The following FSTL5 variants were observed in gnomAD, a reference collection of about 807,000 sequenced individuals.
FSTL5 encodes the protein follistatin-related protein 5.
In FSTL5, 62 loss-of-function variants were observed where a neutral mutation model predicts 89.1. The observed-to-expected ratio is 0.70, with a 90% confidence interval of 0.57 to 0.86. The LOEUF (loss-of-function observed/expected upper bound fraction) is 0.86. FSTL5 is among the 40% of genes least tolerant of loss of function. The pLI is 0.00. For missense variants in FSTL5, 1,057 were observed against 1,001.6 expected, an observed-to-expected ratio of 1.06 and a Z score of -0.75; for synonymous variants, 383 against 346.2, an observed-to-expected ratio of 1.11 and a Z score of -1.18.
At position 161,593,290 on chromosome 4, in the gene FSTL5, A is replaced by T. The variant is rs538792204; in HGVS notation, c.895-5715T>A. On this transcript the variant is annotated intron_variant, in intron 7 of 15. Coordinates refer to ENST00000306100, the MANE Select transcript of FSTL5 (RefSeq NM_020116.5). ...AAAATAGGATAGTATCCACTGACTTACCAATGCTCACATAATAGTACTCCA... is the reference window on the plus strand; with the variant it reads ...AAAATAGGATAGTATCCACTGACTTTCCAATGCTCACATAATAGTACTCCA... 3.5e-4 allele frequency among the ~76,000 whole-genome samples: 54 copies of T among 152,246 alleles called. 1 individual carries two copies. The highest frequency in any genetic ancestry group is 3.9e-4 in the Admixed American group (6 of 15,276).
At chr4:161,731,905 G>A (rs781765960) in intron 6 of FSTL5, among the ~76,000 whole-genome samples, 5 of 151,918 alleles carry the variant, frequency 3.3e-5, no homozygotes, top group Non-Finnish European at 5.9e-5. Flanking sequence ...AACAGCTGGG[G>A]AACATTTGAG....
intron 2 of FSTL5, among the ~76,000 whole-genome samples, chr4:162,071,484 C>T (rs149180541): frequency 5.3e-5 from 8 of 151,506 alleles, no homozygotes; most frequent in African/African-American, 1.9e-4. Context: ...CAAAGCACCC[C>T]GACATATAAC....
chr4:161,798,278 A>T (rs1219202349), intron 4 of FSTL5, among the ~76,000 whole-genome samples: 1 of 151,630 alleles, frequency 6.6e-6, no homozygotes, highest in Non-Finnish European at 1.5e-5. Flanking sequence ...TGTAACTTAC[A>T]AATTCTATTA....
chr4:161,810,487 A>G (rs1730104796), intron 4 of FSTL5, among the ~76,000 whole-genome samples: 2 of 152,180 alleles, frequency 1.3e-5, no homozygotes, highest in South Asian at 4.1e-4. Flanking sequence ...TTTAACAGGA[A>G]ATTGAGAATT....
At chr4:161,487,680 T>G (rs1467119105) in intron 12 of FSTL5, among the ~76,000 whole-genome samples, 6 of 152,038 alleles carry the variant, frequency 3.9e-5, no homozygotes, top group African/African-American at 2.4e-5. Context: ...ATTCTAGCGC[T>G]CTCTCTCTCT....
chr4:161,817,676 ATATAG>A (rs1489067545), intron 4 of FSTL5, among the ~76,000 whole-genome samples: 1 of 152,198 alleles, frequency 6.6e-6, no homozygotes, highest in Non-Finnish European at 1.5e-5. Flanking sequence ...TTTGATAGTC[ATATAG>A]TATACCTGAG....
intron 3 of FSTL5, among the ~76,000 whole-genome samples, chr4:162,000,244 T>C (rs1286941501): frequency 6.6e-6 from 1 of 152,128 alleles, no homozygotes; most frequent in African/African-American, 2.4e-5. Context: ...TTACAGTCTT[T>C]AAAAATTGAA....
At chr4:161,437,600 T>C (rs1169492971) in intron 15 of FSTL5, among the ~76,000 whole-genome samples, 1 of 122,994 alleles carries the variant, frequency 8.1e-6, no homozygotes, top group East Asian at 2.8e-4. Context: ...AGAAAAGGTC[T>C]TAATCCCATG....
chr4:161,951,963 T>C (rs758452478), intron 3 of FSTL5, among the ~76,000 whole-genome samples: 2 of 152,076 alleles, frequency 1.3e-5, no homozygotes, highest in East Asian at 1.9e-4. Context: ...AACAAATTCA[T>C]TGATTCCTTA....
intron 7 of FSTL5, among the ~76,000 whole-genome samples, chr4:161,613,919 A>T (rs906858741): frequency 6.6e-6 from 1 of 151,586 alleles, no homozygotes; most frequent in Non-Finnish European, 1.5e-5. Context: ...AATTATATAC[A>T]TCACTGACGA....
chr4:161,860,144 C>T (rs868055827), intron 4 of FSTL5, among the ~76,000 whole-genome samples: 5 of 151,924 alleles, frequency 3.3e-5, no homozygotes, highest in Non-Finnish European at 7.4e-5. Context: ...AAAAATTAGC[C>T]GGGCGTGGTG....
At chr4:162,072,152 C>T (rs1729651523) in intron 2 of FSTL5, among the ~76,000 whole-genome samples, 1 of 151,734 alleles carries the variant, frequency 6.6e-6, no homozygotes, top group African/African-American at 2.4e-5. Flanking sequence ...ATCTGTTATC[C>T]ATTGATGAAT....
rs201656483 is a variant in FSTL5, at chr4:161,896,777, G to GA, written c.409+23626dup. ...GTTTCTATTCCCTTAAGACCTTATG[G>GA]AAAATACATCATTTCATTTTGTACA... On this transcript the variant is annotated intron_variant, in intron 4 of 15. Transcript: ENST00000306100. Among the ~76,000 whole-genome samples the GA allele has an allele frequency of 3.2e-4, 48 of 152,154 alleles. 1 individual carries two copies. The East Asian group carries it at 8.7e-3, about 28-fold the overall frequency.
chr4:161,801,136 T>C (rs958152226), intron 4 of FSTL5, among the ~76,000 whole-genome samples: 2 of 151,598 alleles, frequency 1.3e-5, no homozygotes, highest in African/African-American at 4.8e-5. Context: ...AATCTCAGTC[T>C]TAAAAAATAC....
At chr4:162,083,090 G>C (rs769409330) in intron 2 of FSTL5, among the ~76,000 whole-genome samples, 1 of 151,622 alleles carries the variant, frequency 6.6e-6, no homozygotes, top group Non-Finnish European at 1.5e-5. Flanking sequence ...AAAGACATTT[G>C]TTTGGAAAAT....
chr4:161,664,621 TTCTG>T (rs1291473001), intron 6 of FSTL5, among the ~76,000 whole-genome samples: 1 of 152,180 alleles, frequency 6.6e-6, no homozygotes, highest in East Asian at 1.9e-4. Context: ...TCTCACATTT[TTCTG>T]TCTTTGTCTG....
intron 3 of FSTL5, among the ~76,000 whole-genome samples, chr4:162,013,630 T>A (rs1008947332): frequency 4.5e-4 from 69 of 152,324 alleles, no homozygotes; most frequent in African/African-American, 1.6e-3. Flanking sequence ...TCTGCCTTGA[T>A]GACTTAGGTT....
chr4:161,760,746 A>C (rs910740393), intron 5 of FSTL5, among the ~76,000 whole-genome samples: 4 of 152,226 alleles, frequency 2.6e-5, no homozygotes, highest in Admixed American at 2.0e-4. Context: ...ACAATGAATT[A>C]TCATTTCTTT....
At chr4:161,795,819 G>T (rs965815065) in intron 4 of FSTL5, among the ~76,000 whole-genome samples, 9 of 151,946 alleles carry the variant, frequency 5.9e-5, no homozygotes, top group African/African-American at 2.2e-4. Flanking sequence ...TTCTATGCCA[G>T]TACCATATTG....
Sources: allele counts gnomAD v4.1 joint callset (sites outside exome capture counted in the v4.1 genomes callset), GRCh38; gene constraint gnomAD v4.1.1; transcripts MANE v1.5; gene names NCBI Gene and HGNC (gene_info 2026-07-23, HGNC 2026-07-21).